The following SGK3 variants were observed in gnomAD, a reference collection of about 807,000 sequenced individuals.
SGK3 encodes serine/threonine-protein kinase Sgk3.
In SGK3, 47 loss-of-function variants were observed where a neutral mutation model predicts 68.5. That is an observed-to-expected ratio of 0.69 (90% confidence interval 0.54 to 0.87). SGK3 has a LOEUF of 0.87. Among genes scored for constraint, SGK3 ranks in the 40% least tolerant of loss-of-function variants. The pLI is 0.00. For missense variants in SGK3, 479 were observed against 575.5 expected, an observed-to-expected ratio of 0.83 and a Z score of 1.72; for synonymous variants, 181 against 189.1, an observed-to-expected ratio of 0.96 and a Z score of 0.35.
intron 4 of SGK3, among the ~76,000 whole-genome samples, chr8:66,809,989 C>T (rs1320111217): frequency 6.6e-6 from 1 of 152,100 alleles, no homozygotes; most frequent in Admixed American, 6.5e-5. Context: ...AGCCTCGGTG[C>T]CTTCTATGAC....
At chr8:66,835,129 G>A (rs758034758) in intron 8 of SGK3, among the ~76,000 whole-genome samples, 1 of 152,036 alleles carries the variant, frequency 6.6e-6, no homozygotes, top group Non-Finnish European at 1.5e-5. Context: ...AATTAGCCAG[G>A]TATGGTGGCA....
At chr8:66,834,749 C>T (rs994646975) in intron 8 of SGK3, among the ~76,000 whole-genome samples, 2 of 151,760 alleles carry the variant, frequency 1.3e-5, no homozygotes, top group African/African-American at 4.8e-5. Flanking sequence ...CTGGCTAACA[C>T]AGTGAAACCC....
chr8:66,852,601 A>G (rs1810340750), intron 16 of SGK3, among the ~76,000 whole-genome samples: 1 of 152,184 alleles, frequency 6.6e-6, no homozygotes, highest in South Asian at 2.1e-4. Context: ...TTAATAAATT[A>G]GAGCAGATAA....
At chr8:66,785,278 T>G (rs1426789920) in intron 1 of SGK3, among the ~76,000 whole-genome samples, 1 of 152,202 alleles carries the variant, frequency 6.6e-6, no homozygotes, top group Non-Finnish European at 1.5e-5. Context: ...ATGAGAGTGC[T>G]TTCACCCACA....
chr8:66,749,693 T>C (rs1398379034), intron 1 of SGK3, among the ~76,000 whole-genome samples: 3 of 152,118 alleles, frequency 2.0e-5, no homozygotes, highest in Non-Finnish European at 4.4e-5. Context: ...CTAGGAAGAA[T>C]AGTTTCCTTT....
At chr8:66,834,939 CAAAAA>C (rs1330585850) in intron 8 of SGK3, among the ~76,000 whole-genome samples, 1 of 60,832 alleles carries the variant, frequency 1.6e-5, no homozygotes, top group Non-Finnish European at 3.5e-5. Flanking sequence ...GACTCTGTCT[CAAAAA>C]AAAAAAAAAA....
intron 10 of SGK3, among the ~76,000 whole-genome samples, chr8:66,838,770 A>G (rs1809645486): frequency 6.6e-6 from 1 of 152,196 alleles, no homozygotes. Flanking sequence ...GACAAGGGTT[A>G]AAGATGAGGA....
At chr8:66,827,100 G>C (rs1373745992) in intron 6 of SGK3, among the ~76,000 whole-genome samples, 1 of 151,806 alleles carries the variant, frequency 6.6e-6, no homozygotes, top group Admixed American at 6.6e-5. Flanking sequence ...AAATTTTCTT[G>C]GCCTGGTGCG....
At chr8:66,766,245 G>A (rs1360400754) in intron 1 of SGK3, among the ~76,000 whole-genome samples, 5 of 151,578 alleles carry the variant, frequency 3.3e-5, no homozygotes, top group Admixed American at 2.0e-4. Context: ...TAAGTTGGCC[G>A]GGTGTGGTGG....
intron 16 of SGK3, among the ~76,000 whole-genome samples, chr8:66,858,936 G>C (rs546561873): frequency 6.6e-6 from 1 of 152,202 alleles, no homozygotes; most frequent in South Asian, 2.1e-4. Flanking sequence ...AAATAATAAA[G>C]GTCAGGAAAG....
At chr8:66,762,851 A>T (rs990964863) in intron 1 of SGK3, among the ~76,000 whole-genome samples, 2 of 152,230 alleles carry the variant, frequency 1.3e-5, no homozygotes, top group African/African-American at 4.8e-5. Flanking sequence ...GTCATTTGAC[A>T]TGTACTTCTG....
At chr8:66,732,626 C>G (rs974706743) in intron 1 of SGK3, among the ~76,000 whole-genome samples, 2 of 152,184 alleles carry the variant, frequency 1.3e-5, no homozygotes, top group East Asian at 3.8e-4. Context: ...GGGTGGATCA[C>G]CTGAGGTCAG....
chr8:66,825,025 G>A (rs1214574715), intron 6 of SGK3, among the ~76,000 whole-genome samples: 1 of 152,090 alleles, frequency 6.6e-6, no homozygotes, highest in African/African-American at 2.4e-5. Flanking sequence ...ATGTAACCAT[G>A]ATTTTCCATG....
At chr8:66,848,719 T>G (rs1474132835) in intron 15 of SGK3, among the ~76,000 whole-genome samples, 1 of 152,194 alleles carries the variant, frequency 6.6e-6, no homozygotes, top group East Asian at 1.9e-4. Context: ...AGTCAGTAAT[T>G]AAATGTTATC....
chr8:66,822,759 C>CT (rs538407698), intron 6 of SGK3, among the ~76,000 whole-genome samples: 172 of 152,302 alleles, frequency 1.1e-3, no homozygotes, highest in South Asian at 4.8e-3. Context: ...GCTGGGATTA[C>CT]AGGCGCCTGC....
intron 1 of SGK3, among the ~76,000 whole-genome samples, chr8:66,716,312 C>T (rs569517224): frequency 1.3e-4 from 20 of 152,180 alleles, no homozygotes; most frequent in Admixed American, 5.2e-4. Context: ...TTGTCATTGC[C>T]GAGGAAGACA....
intron 1 of SGK3, among the ~76,000 whole-genome samples, chr8:66,779,043 A>C (rs1227148373): frequency 6.6e-6 from 1 of 152,132 alleles, no homozygotes; most frequent in Non-Finnish European, 1.5e-5. Context: ...AAAGTAATTT[A>C]CTTTCTTTCC....
intron 5 of SGK3, among the ~76,000 whole-genome samples, chr8:66,820,137 C>T (rs574053239): frequency 1.6e-4 from 24 of 152,182 alleles, no homozygotes; most frequent in Non-Finnish European, 2.4e-4. Flanking sequence ...AGTGTATTCA[C>T]GATGCTTTAC....
chr8:66,727,127 G>T (rs1398507335), intron 1 of SGK3, among the ~76,000 whole-genome samples: 1 of 151,830 alleles, frequency 6.6e-6, no homozygotes, highest in Non-Finnish European at 1.5e-5. Flanking sequence ...TTTGAGACAG[G>T]GTCTTCCTCT....
Sources: gnomAD v4.1 joint callset for allele counts (sites outside exome capture counted in the v4.1 genomes callset) on GRCh38, gnomAD v4.1.1 for gene constraint, MANE v1.5 for transcripts, NCBI Gene and HGNC (gene_info 2026-07-23, HGNC 2026-07-21) for gene names.